SHC3: variants seen among roughly 807,000 people sequenced by gnomAD.
SHC3 encodes SHC-transforming protein 3.
SHC3 carries 15 observed loss-of-function variants against 60.4 expected under a neutral mutation model. The observed-to-expected ratio is 0.25, with a 90% CI of 0.17 to 0.38. The LOEUF (loss-of-function observed/expected upper bound fraction) is 0.38. Among genes scored for constraint, SHC3 ranks in the 10% least tolerant of loss-of-function variants. SHC3 has a pLI of 1.00. For missense variants in SHC3, 677 were observed against 786.1 expected (o/e 0.86, Z 1.66); for synonymous variants, 294 against 325.9 (o/e 0.90, Z 1.05).
At chr9:89,106,130 C>T (rs1046993030) in intron 2 of SHC3, among the ~76,000 whole-genome samples, 1 of 152,130 alleles carries the variant, frequency 6.6e-6, no homozygotes, top group African/African-American at 2.4e-5. Flanking sequence ...AGAGGTCAAT[C>T]TCATTGGTGG....
chr9:89,165,260 T>TTGTGTGTGTGTGTGTGTG (rs10626309), intron 1 of SHC3, among the ~76,000 whole-genome samples: 14 of 148,546 alleles, frequency 9.4e-5, no homozygotes, highest in African/African-American at 1.7e-4. Context: ...AAAGACGTGT[T>TTGTGTGTGTGTGTGTGTG]TGTGTGTGTG....
chr9:89,142,770 C>A (rs1826412956), intron 1 of SHC3, among the ~76,000 whole-genome samples: 1 of 152,084 alleles, frequency 6.6e-6, no homozygotes, highest in South Asian at 2.1e-4. Context: ...CAATCCCATC[C>A]TTTACTCACA....
intron 1 of SHC3, among the ~76,000 whole-genome samples, chr9:89,112,978 A>G (rs949518769): frequency 1.1e-4 from 16 of 152,192 alleles, no homozygotes; most frequent in African/African-American, 3.9e-4. Flanking sequence ...TATATTTGCC[A>G]TGAAACCACC....
At chr9:89,016,051 G>GA (rs1358065172) in intron 11 of SHC3, among the ~76,000 whole-genome samples, 2 of 151,514 alleles carry the variant, frequency 1.3e-5, no homozygotes, top group Non-Finnish European at 2.9e-5. Context: ...CAAATCAGTA[G>GA]AAAAAATAAA....
At chr9:89,155,866 G>A (rs889731176) in intron 1 of SHC3, among the ~76,000 whole-genome samples, 1 of 152,170 alleles carries the variant, frequency 6.6e-6, no homozygotes, top group African/African-American at 2.4e-5. Flanking sequence ...CCTCTTTGCA[G>A]AAGAAAATTG....
At chr9:89,147,494 C>G (rs1240462552) in intron 1 of SHC3, among the ~76,000 whole-genome samples, 1 of 151,694 alleles carries the variant, frequency 6.6e-6, no homozygotes, top group South Asian at 2.1e-4. Context: ...TTTTTTCCTT[C>G]CCTCCCTCCC....
At chr9:89,138,101 G>A (rs1381606430) in intron 1 of SHC3, among the ~76,000 whole-genome samples, 1 of 152,190 alleles carries the variant, frequency 6.6e-6, no homozygotes, top group Non-Finnish European at 1.5e-5. Flanking sequence ...GCCAGCTACA[G>A]AGACTTGGGG....
intron 6 of SHC3, among the ~76,000 whole-genome samples, chr9:89,060,202 G>A (rs1179682895): frequency 6.7e-6 from 1 of 149,642 alleles, no homozygotes; most frequent in Non-Finnish European, 1.5e-5. Context: ...ACGTGGTGGA[G>A]GGTGGTGGTG....
chr9:89,079,109 C>T (rs1039124684), intron 2 of SHC3, among the ~76,000 whole-genome samples: 14 of 152,088 alleles, frequency 9.2e-5, no homozygotes, highest in African/African-American at 3.4e-4. Context: ...CCAGGAAAAC[C>T]GTAGGCAATG....
intron 2 of SHC3, among the ~76,000 whole-genome samples, chr9:89,082,396 G>A (rs1825459201): frequency 2.0e-5 from 3 of 152,166 alleles, no homozygotes; most frequent in Admixed American, 2.0e-4. Flanking sequence ...ACCTCTGCCA[G>A]GCTATAGCAG....
In SHC3 at chr9:89,118,359, CAA is replaced by C. The variant is rs1171641842; in HGVS notation, c.475-5735_475-5734del. 2.6e-5 allele frequency among the ~76,000 whole-genome samples: 4 copies of C among 151,686 alleles called. No homozygotes were observed. The East Asian group carries it at 7.7e-4, about 29-fold the overall frequency. ...TGGAGCCCAGAAAATCTCCTAGTGC[CAA>C]AAAGACTGAAACACAAATGGAAATG... On this transcript the variant is annotated intron_variant, in intron 1 of 11. Transcript: ENST00000375835.
chr9:89,029,709 G>A (rs924958709), intron 11 of SHC3, among the ~76,000 whole-genome samples: 2 of 152,158 alleles, frequency 1.3e-5, no homozygotes, highest in Non-Finnish European at 2.9e-5. Flanking sequence ...TAGATGGAAT[G>A]AGCAAGGCAC....
chr9:89,149,098 A>G (rs567528153), intron 1 of SHC3, among the ~76,000 whole-genome samples: 1 of 152,334 alleles, frequency 6.6e-6, no homozygotes, highest in East Asian at 1.9e-4. Flanking sequence ...ATTTTGGACA[A>G]GTGGCATCGC....
intron 1 of SHC3, among the ~76,000 whole-genome samples, chr9:89,129,337 G>A (rs1826208972): frequency 1.3e-5 from 2 of 152,134 alleles, no homozygotes; most frequent in Admixed American, 6.6e-5. Flanking sequence ...CACTCTGCAG[G>A]ATATTATCCA....
chr9:89,132,650 G>C (rs1336753415), intron 1 of SHC3, among the ~76,000 whole-genome samples: 1 of 152,190 alleles, frequency 6.6e-6, no homozygotes, highest in South Asian at 2.1e-4. Context: ...ACAAAAACAA[G>C]AAATGGGGAA....
At chr9:89,145,521 A>G (rs545409925) in intron 1 of SHC3, among the ~76,000 whole-genome samples, 115 of 152,368 alleles carry the variant, frequency 7.5e-4, no homozygotes, top group African/African-American at 2.7e-3. Context: ...GGACAAAACG[A>G]TAAGATGAGT....
At chr9:89,038,344 A>G (rs1824619653) in intron 10 of SHC3, 56 bp from the exon 11 acceptor site, 1 of 28,472 alleles carries the variant, frequency 3.5e-5, no homozygotes. Flanking sequence ...GCAAATGATA[A>G]AAAAAAAAAA....
chr9:89,167,626 G>C (rs937828254), intron 1 of SHC3, among the ~76,000 whole-genome samples: 8 of 152,204 alleles, frequency 5.3e-5, no homozygotes, highest in African/African-American at 1.9e-4. Context: ...ACCCTGCCTA[G>C]TTCCATTTTC....
intron 2 of SHC3, among the ~76,000 whole-genome samples, chr9:89,112,221 T>C (rs545800701): frequency 1.3e-5 from 2 of 152,330 alleles, no homozygotes; most frequent in South Asian, 2.1e-4. Flanking sequence ...AAAAAGAACA[T>C]GGTTCAGTAC....
Sources: gnomAD v4.1 joint callset for allele counts (sites outside exome capture counted in the v4.1 genomes callset) on GRCh38, gnomAD v4.1.1 for gene constraint, MANE v1.5 for transcripts, NCBI Gene and HGNC (gene_info 2026-07-23, HGNC 2026-07-21) for gene names.